TTC27: variants seen among roughly 807,000 people sequenced by gnomAD.
The protein encoded by TTC27 is tetratricopeptide repeat domain 27, also known as tetratricopeptide repeat protein 27.
In TTC27, 79 loss-of-function variants were observed where a neutral mutation model predicts 115.9. That is an observed-to-expected ratio of 0.68 (90% CI 0.57 to 0.82). The LOEUF (loss-of-function observed/expected upper bound fraction) is 0.82, where lower values mean the gene tolerates loss of function less well. TTC27 is among the 40% of genes least tolerant of loss of function. The probability of loss-of-function intolerance (pLI) is 0.00; values close to 1 mark genes in which losing one functional copy is unlikely to be tolerated. For missense variants in TTC27, 1,054 were observed against 993.1 expected, an observed-to-expected ratio of 1.06 and a Z score of -0.82; for synonymous variants, 401 against 356.0, an observed-to-expected ratio of 1.13 and a Z score of -1.42.
intron 15 of TTC27, among the ~76,000 whole-genome samples, chr2:32,783,307 C>T (rs1276351413): frequency 6.6e-6 from 1 of 152,074 alleles, no homozygotes; most frequent in Non-Finnish European, 1.5e-5. Flanking sequence ...GAATGTTGGA[C>T]TCAAGCAGAA....
chr2:32,733,397 T>C (rs1668357044), intron 10 of TTC27, among the ~76,000 whole-genome samples: 1 of 152,220 alleles, frequency 6.6e-6, no homozygotes, highest in Admixed American at 6.5e-5. Context: ...AGGCTACTTT[T>C]TCCTTTCATT....
At chr2:32,728,073 C>T (rs1434814078) in intron 10 of TTC27, among the ~76,000 whole-genome samples, 5 of 138,888 alleles carry the variant, frequency 3.6e-5, no homozygotes, top group African/African-American at 5.4e-5. Context: ...GACAGAGTCT[C>T]GCTGTCGCCC....
chr2:32,695,029 T>A (rs539577096), intron 9 of TTC27, among the ~76,000 whole-genome samples: 1 of 152,176 alleles, frequency 6.6e-6, no homozygotes, highest in Admixed American at 6.5e-5. Flanking sequence ...AAAATACATA[T>A]TTTTTTATAT....
At chr2:32,719,368 A>C (rs1260590802) in intron 10 of TTC27, among the ~76,000 whole-genome samples, 1 of 152,224 alleles carries the variant, frequency 6.6e-6, no homozygotes, top group Non-Finnish European at 1.5e-5. Context: ...GGTCAGAAAG[A>C]GATGCAACAA....
At chr2:32,801,407 C>T (rs749684213) in intron 16 of TTC27, among the ~76,000 whole-genome samples, 12 of 152,142 alleles carry the variant, frequency 7.9e-5, no homozygotes, top group Middle Eastern at 3.2e-3. Flanking sequence ...GCTGTGGCAC[C>T]CTAACTCCAA....
chr2:32,817,517 C>G lies in TTC27; in HGVS notation c.2369C>G (p.Ser790Cys). 6.2e-7 allele frequency: 1 copy of G among 1,614,080 alleles called. No individual in the cohort carries two copies. The highest frequency in any genetic ancestry group is 1.1e-5 in the South Asian group (1 of 91,082). Residue 790 changes from serine (S) to cysteine (C), a missense_variant, in exon 19 of 20, where the codon TCT (serine) becomes TGT (cysteine). Ser to Cys is a moderately radical substitution (Grantham distance 112). Coordinates refer to ENST00000317907, the MANE Select transcript of TTC27 (RefSeq NM_017735.5). ...CAAGAAGCTGTACAAATGCTTTCTT[C>G]TGTTCGACTCAATTTACGGGGCTTG... ...SSQEAVQMLS[S>C]VRLNLRGLLS...
intron 14 of TTC27, among the ~76,000 whole-genome samples, chr2:32,779,434 C>T (rs182488801): frequency 1.2e-3 from 182 of 152,168 alleles, no homozygotes; most frequent in South Asian, 3.7e-3. Context: ...CTTGGCCATT[C>T]GTATATCCTC....
intron 19 of TTC27, 26 bp downstream of exon 19, chr2:32,817,583 G>A (rs1225287747): frequency 1.3e-6 from 2 of 1,583,464 alleles, no homozygotes; most frequent in Admixed American, 1.7e-5. Context: ...GAATTAATTG[G>A]AATTGTCATA....
chr2:32,766,587 GC>G (rs1669635012), intron 13 of TTC27: 3 of 213,552 alleles, frequency 1.4e-5, no homozygotes, highest in Non-Finnish European at 1.0e-5. Context: ...AGTTTGTGGT[GC>G]CCCCAAACAA....
In TTC27 at chr2:32,678,417, T is replaced by A. The variant is rs1411624449; in HGVS notation, c.1053-439T>A. ...ATAGTATTTATTTATTTATTTATTT[T>A]TTAATTTTTTGTTTTGTTTTGTTTT... is the stretch of plus-strand genomic sequence containing the variant. On this transcript the variant is annotated intron_variant, in intron 8 of 19. Transcript: ENST00000317907. Among the ~76,000 whole-genome samples, 4 of 152,144 alleles carry A rather than the reference T, an allele frequency of 2.6e-5. No homozygotes were observed. The East Asian group carries it at 7.7e-4, about 29-fold the overall frequency.
In TTC27 at chr2:32,628,256, G is replaced by C. The variant is rs755996712; in HGVS notation, c.-37G>C. ...TTTTGTTGACTCCCGTGTGGCCCTC[G>C]TGGGAGCCTGTTTTGGCTGCAGCGG... On this transcript the variant is annotated 5_prime_UTR_variant, in exon 1 of 20. Coordinates refer to ENST00000317907, the MANE Select transcript of TTC27 (RefSeq NM_017735.5). 5 of 1,583,238 alleles carry C rather than the reference G, an allele frequency of 3.2e-6. No individual in the cohort carries two copies. The highest frequency in any genetic ancestry group is 4.6e-5 in the East Asian group (2 of 43,934).
chr2:32,661,983 G>T (rs1467202145), intron 5 of TTC27, among the ~76,000 whole-genome samples: 3 of 152,158 alleles, frequency 2.0e-5, no homozygotes, highest in Non-Finnish European at 4.4e-5. Flanking sequence ...ATGAAGGGCT[G>T]TTTAAGTTTA....
At chr2:32,748,299 C>T (rs1383442083) in intron 12 of TTC27, among the ~76,000 whole-genome samples, 1 of 152,150 alleles carries the variant, frequency 6.6e-6, no homozygotes, top group Non-Finnish European at 1.5e-5. Context: ...GGAGAACATA[C>T]TTTCTATGAC....
intron 17 of TTC27, 58 bp downstream of exon 17, chr2:32,811,279 C>G: frequency 6.6e-7 from 1 of 1,511,008 alleles, no homozygotes. Context: ...TGTAGTAGAT[C>G]TACTTTTTTG....
At chr2:32,812,652 T>C in intron 18 of TTC27, 37 bp downstream of exon 18, 1 of 1,498,776 alleles carries the variant, frequency 6.7e-7, no homozygotes. Context: ...TGGAATGTTT[T>C]GACTTATTTT....
intron 18 of TTC27, among the ~76,000 whole-genome samples, chr2:32,816,323 A>C (rs1198787616): frequency 6.6e-6 from 1 of 152,086 alleles, no homozygotes; most frequent in Non-Finnish European, 1.5e-5. Flanking sequence ...TCTCAAAAAA[A>C]AAAAAAAATT....
At chr2:32,743,987 T>C (rs79979232) in intron 12 of TTC27, among the ~76,000 whole-genome samples, 3,130 of 152,328 alleles carry the variant, frequency 0.021, 57 homozygotes, top group Non-Finnish European at 0.024. Context: ...TCCAGTTGAG[T>C]TCATCCAATG....
chr2:32,702,010 C>CAAAAA (rs752550794), intron 9 of TTC27, among the ~76,000 whole-genome samples: 1 of 48,076 alleles, frequency 2.1e-5, no homozygotes, highest in Non-Finnish European at 4.4e-5. Flanking sequence ...GATCCTGTCT[C>CAAAAA]AAAAAAAAAA....
At chr2:32,799,533 A>G (rs576141533) in intron 16 of TTC27, among the ~76,000 whole-genome samples, 5 of 152,340 alleles carry the variant, frequency 3.3e-5, no homozygotes, top group Admixed American at 1.3e-4. Context: ...TTTTAATCTC[A>G]TAGAAAAATT....
Sources: allele counts gnomAD v4.1 joint callset (sites outside exome capture counted in the v4.1 genomes callset), GRCh38; gene constraint gnomAD v4.1.1; transcripts MANE v1.5; gene names NCBI Gene and HGNC (gene_info 2026-07-23, HGNC 2026-07-21).